PRKAG2: variants seen among roughly 807,000 people sequenced by gnomAD.
The protein encoded by PRKAG2 is protein kinase AMP-activated non-catalytic subunit gamma 2.
PRKAG2 carries 26 observed loss-of-function variants against 69.6 expected under a neutral mutation model. The ratio of observed to expected loss-of-function variants is 0.37; its 90% CI spans 0.27 to 0.52. The LOEUF (loss-of-function observed/expected upper bound fraction) is 0.52. PRKAG2 is among the 20% of genes least tolerant of loss of function. PRKAG2 has a pLI of 0.90. For missense variants in PRKAG2, 557 were observed against 740.0 expected, an observed-to-expected ratio of 0.75 and a Z score of 2.87; for synonymous variants, 293 against 285.0, an observed-to-expected ratio of 1.03 and a Z score of -0.28.
At chr7:151,557,347 G>C (rs531808525) in intron 15 of PRKAG2, 115 bp from the exon 16 acceptor site, 160 of 1,608,156 alleles carry the variant, frequency 9.9e-5, no homozygotes, top group Non-Finnish European at 1.3e-4. Context: ...CAGAGGCTTC[G>C]GAGGAGGGCG....
intron 14 of PRKAG2, among the ~76,000 whole-genome samples, chr7:151,562,015 G>C (rs1805107731): frequency 6.6e-6 from 1 of 150,998 alleles, no homozygotes; most frequent in African/African-American, 2.4e-5. Flanking sequence ...GGGAGGCTGA[G>C]GTGGGCGGAT....
intron 3 of PRKAG2, among the ~76,000 whole-genome samples, chr7:151,733,242 C>G (rs1799247612): frequency 6.6e-6 from 1 of 152,238 alleles, no homozygotes; most frequent in African/African-American, 2.4e-5. Context: ...TCCCTGGGCT[C>G]CAGCCCACTA....
chr7:151,620,513 T>G (rs1239643845), intron 5 of PRKAG2, among the ~76,000 whole-genome samples: 1 of 152,088 alleles, frequency 6.6e-6, no homozygotes, highest in Non-Finnish European at 1.5e-5. Flanking sequence ...GGTCTCACTC[T>G]GTTGCCCAGG....
At chr7:151,596,737 A>T (rs1814624688) in intron 5 of PRKAG2, among the ~76,000 whole-genome samples, 1 of 151,964 alleles carries the variant, frequency 6.6e-6, no homozygotes, top group Non-Finnish European at 1.5e-5. Context: ...TTACAAAGTG[A>T]GACTGTCAAA....
chr7:151,815,682 A>G (rs1343420991), intron 1 of PRKAG2, among the ~76,000 whole-genome samples: 1 of 151,988 alleles, frequency 6.6e-6, no homozygotes, highest in African/African-American at 2.4e-5. Flanking sequence ...CCTTCGTGAC[A>G]CTCATTCCTG....
intron 1 of PRKAG2, 69 bp downstream of exon 1, chr7:151,876,438 A>C (rs2080407229): frequency 6.8e-7 from 1 of 1,480,924 alleles, no homozygotes; most frequent in African/African-American, 1.4e-5. Flanking sequence ...TCCAGCGTTA[A>C]CCGCTTCGGC....
intron 3 of PRKAG2, among the ~76,000 whole-genome samples, chr7:151,694,049 T>C (rs919866875): frequency 1.2e-4 from 18 of 152,198 alleles, no homozygotes; most frequent in Admixed American, 1.0e-3. Flanking sequence ...TTTTTTTCTA[T>C]TTTTAGTAGA....
At chr7:151,808,135 T>C (rs900830427) in intron 1 of PRKAG2, among the ~76,000 whole-genome samples, 4 of 152,254 alleles carry the variant, frequency 2.6e-5, no homozygotes, top group Admixed American at 2.0e-4. Flanking sequence ...CTCCAGACTT[T>C]GTCAAAGTGG....
At chr7:151,765,451 C>T (rs7780008) in intron 3 of PRKAG2, among the ~76,000 whole-genome samples, 103,774 of 152,070 alleles carry the variant, frequency 0.68, 36,113 homozygotes, top group East Asian at 0.94. Flanking sequence ...ACAGGAGATT[C>T]GGGTGGTAAC....
intron 11 of PRKAG2, among the ~76,000 whole-genome samples, chr7:151,566,764 G>T (rs182719782): frequency 6.6e-5 from 10 of 151,656 alleles, no homozygotes; most frequent in African/African-American, 2.2e-4. Context: ...TCAACATAGC[G>T]AATTCCCTGT....
In PRKAG2 at chr7:151,583,100, AG is replaced by A. The variant is rs1460323778; in HGVS notation, c.865-6649del. Reference sequence around the variant, plus strand: ...TAGTGGTATGATCACGGCTCACTGCAGCCTCAACCTCGTAGGCTCAAGTGAT... The same window carrying A: ...TAGTGGTATGATCACGGCTCACTGCACCTCAACCTCGTAGGCTCAAGTGAT... On this transcript the variant is annotated intron_variant, in intron 6 of 15. Coordinates refer to ENST00000287878, the MANE Select transcript of PRKAG2 (RefSeq NM_016203.4). The surrounding 1 kb of genome is among the most constrained non-coding windows in gnomAD (Gnocchi z 4.1). 4.2e-4 allele frequency among the ~76,000 whole-genome samples: 64 copies of A among 152,292 alleles called. No homozygotes were observed. The highest frequency in any genetic ancestry group is 1.5e-3 in the African/African-American group (64 of 41,572).
intron 3 of PRKAG2, chr7:151,735,830 G>A: frequency 6.6e-7 from 1 of 1,524,008 alleles, no homozygotes; most frequent in Non-Finnish European, 8.8e-7. Flanking sequence ...TTAGGAGGGT[G>A]TGCACACACG....
chr7:151,652,519 CTT>C (rs148797393), intron 4 of PRKAG2, among the ~76,000 whole-genome samples: 1 of 151,890 alleles, frequency 6.6e-6, no homozygotes, highest in African/African-American at 2.4e-5. Flanking sequence ...AATTCTTTTT[CTT>C]TTTTCTTTTC....
chr7:151,830,252 C>G (rs1029078085), intron 1 of PRKAG2, among the ~76,000 whole-genome samples: 1 of 151,806 alleles, frequency 6.6e-6, no homozygotes, highest in Non-Finnish European at 1.5e-5. Flanking sequence ...CCTATCTGTC[C>G]GCAGGCTGAC....
chr7:151,744,648 T>G (rs1379539653), intron 3 of PRKAG2, among the ~76,000 whole-genome samples: 1 of 152,238 alleles, frequency 6.6e-6, no homozygotes, highest in African/African-American at 2.4e-5. Context: ...TCCTTGAAGC[T>G]GTCACTGGGG....
chr7:151,560,423 T>C (rs1187045002), intron 15 of PRKAG2, 101 bp downstream of exon 15: 2 of 1,609,620 alleles, frequency 1.2e-6, no homozygotes, highest in Non-Finnish European at 1.7e-6. Context: ...AGCCTTGATC[T>C]GTAGGTGGGT....
chr7:151,597,720 A>G (rs1233993199), intron 5 of PRKAG2, among the ~76,000 whole-genome samples: 1 of 151,872 alleles, frequency 6.6e-6, no homozygotes, highest in Non-Finnish European at 1.5e-5. Flanking sequence ...GCAAATCAAA[A>G]CCACAATGAG....
intron 1 of PRKAG2, among the ~76,000 whole-genome samples, chr7:151,861,425 G>A (rs561228069): frequency 6.6e-6 from 1 of 150,544 alleles, no homozygotes; most frequent in Admixed American, 6.7e-5. Context: ...CTACTGGGGA[G>A]GCTGACACAT....
intron 4 of PRKAG2, among the ~76,000 whole-genome samples, chr7:151,641,317 G>A (rs1351520162): frequency 7.1e-6 from 1 of 140,788 alleles, no homozygotes; most frequent in African/African-American, 2.6e-5. Context: ...GCACGATCTC[G>A]GCTCACTGCA....
Sources: gnomAD v4.1 joint callset for allele counts (sites outside exome capture counted in the v4.1 genomes callset) on GRCh38, gnomAD v4.1.1 for gene constraint, Gnocchi (gnomAD v3.1) non-coding constraint, MANE v1.5 for transcripts, NCBI Gene and HGNC (gene_info 2026-07-23, HGNC 2026-07-21) for gene names.